The following SNX7 variants were observed in gnomAD, a reference collection of about 807,000 sequenced individuals.
SNX7 encodes the protein sorting nexin 7.
A neutral mutation model predicts 48.4 loss-of-function variants in SNX7; 35 were observed. That is an observed-to-expected ratio of 0.72 (90% CI 0.55 to 0.96). The LOEUF (loss-of-function observed/expected upper bound fraction) is 0.96. Ranked by LOEUF, SNX7 falls within the 40% of genes least tolerant of loss-of-function variation. The pLI, the probability that SNX7 is intolerant of heterozygous loss-of-function variation, is 0.00. For synonymous variants in SNX7, 190 were observed against 190.2 expected, an observed-to-expected ratio of 1.00 and a Z score of 0.01; for missense variants, 553 against 548.9, an observed-to-expected ratio of 1.01 and a Z score of -0.07.
At chr1:98,744,632 T>C (rs1654231291) in intron 8 of SNX7, among the ~76,000 whole-genome samples, 1 of 152,034 alleles carries the variant, frequency 6.6e-6, no homozygotes, top group Admixed American at 6.6e-5. Context: ...CAGAACTAAC[T>C]CATTTCTATT....
At chr1:98,737,914 A>G (rs1189966916) in intron 7 of SNX7, among the ~76,000 whole-genome samples, 3 of 152,172 alleles carry the variant, frequency 2.0e-5, no homozygotes, top group Non-Finnish European at 2.9e-5. Context: ...GAGTCTTAAT[A>G]CAAAAGACTT....
intron 2 of SNX7, 34 bp downstream of exon 2, chr1:98,685,101 C>G: frequency 7.5e-7 from 1 of 1,332,438 alleles, no homozygotes; most frequent in Non-Finnish European, 1.0e-6. Flanking sequence ...TTGAATATAG[C>G]TGCTTTTTTT....
intron 7 of SNX7, among the ~76,000 whole-genome samples, chr1:98,714,680 G>C (rs1557816073): frequency 6.6e-6 from 1 of 152,150 alleles, no homozygotes; most frequent in East Asian, 1.9e-4. Flanking sequence ...GAAGAAGGAG[G>C]AAAAGCCATG....
chr1:98,746,704 C>G (rs1237141934), intron 8 of SNX7, among the ~76,000 whole-genome samples: 1 of 152,062 alleles, frequency 6.6e-6, no homozygotes, highest in Non-Finnish European at 1.5e-5. Flanking sequence ...TCTGTTATAG[C>G]CAACTGCCTT....
At chr1:98,685,572 C>T (rs376863780) in intron 2 of SNX7, among the ~76,000 whole-genome samples, 1 of 152,060 alleles carries the variant, frequency 6.6e-6, no homozygotes, top group Non-Finnish European at 1.5e-5. Flanking sequence ...TCTCTTTAAT[C>T]GTAGGGCGAA....
At chr1:98,701,746 T>C in intron 6 of SNX7, 71 bp from the exon 7 acceptor site, 2 of 969,248 alleles carry the variant, frequency 2.1e-6, no homozygotes, top group Non-Finnish European at 3.1e-6. Context: ...TTCTGAAATA[T>C]ATATTTTTGC....
chr1:98,691,706 G>C lies in SNX7; in HGVS notation c.639+7G>C. On this transcript the variant is annotated splice_region_variant and intron_variant, in intron 4 of 8. Transcript: ENST00000306121. ...TCTCACTGCACAAGCTTGGGTAAATGATTTTTATTTATACTCATATAATCT... is the reference window on the plus strand; with the variant it reads ...TCTCACTGCACAAGCTTGGGTAAATCATTTTTATTTATACTCATATAATCT... 1 of 1,587,368 alleles carries C rather than the reference G, an allele frequency of 6.3e-7. No individual in the cohort carries two copies. The highest frequency in any genetic ancestry group is 1.8e-5 in the Admixed American group (1 of 55,604).
At chr1:98,701,243 T>C (rs777162349) in intron 6 of SNX7, among the ~76,000 whole-genome samples, 77 of 152,210 alleles carry the variant, frequency 5.1e-4, no homozygotes, top group African/African-American at 1.8e-3. Context: ...GAGGAGGCTA[T>C]GATCTCTCAT....
intron 7 of SNX7, among the ~76,000 whole-genome samples, chr1:98,727,405 A>C (rs562236259): frequency 4.4e-4 from 67 of 152,260 alleles, no homozygotes; most frequent in Admixed American, 1.6e-3. Flanking sequence ...AAACTCAGGA[A>C]GATGAGAAAG....
chr1:98,684,771 A>C, intron 1 of SNX7, 114 bp from the exon 2 acceptor site: 1 of 735,862 alleles, frequency 1.4e-6, no homozygotes, highest in Non-Finnish European at 2.0e-6. Flanking sequence ...CATTTAACTA[A>C]AAGTCCAATA....
intron 4 of SNX7, 132 bp from the exon 5 acceptor site, chr1:98,695,386 A>G: frequency 1.3e-6 from 1 of 777,394 alleles, no homozygotes. Context: ...GCTTCAAGCT[A>G]ACATTAAAAA....
intron 6 of SNX7, among the ~76,000 whole-genome samples, chr1:98,699,581 A>G (rs938403987): frequency 1.3e-5 from 2 of 152,172 alleles, no homozygotes; most frequent in Non-Finnish European, 2.9e-5. Flanking sequence ...TAGGGTGGTG[A>G]TGGGGACAGG....
At chr1:98,733,411 T>C (rs1162859271) in intron 7 of SNX7, among the ~76,000 whole-genome samples, 4 of 152,072 alleles carry the variant, frequency 2.6e-5, no homozygotes, top group Non-Finnish European at 4.4e-5. Context: ...TTTCTTAAAC[T>C]CCTTCAGCGC....
intron 1 of SNX7, among the ~76,000 whole-genome samples, chr1:98,680,671 A>G (rs899842634): frequency 2.0e-5 from 3 of 152,072 alleles, no homozygotes; most frequent in Non-Finnish European, 1.5e-5. Context: ...AGTTCCACAA[A>G]TCTCTAGGGC....
Position 98,760,453 on chromosome 1 carries a change from A to G in SNX7, c.*322A>G, listed in dbSNP as rs1438547942. 4 of 208,816 alleles carry G rather than the reference A, an allele frequency of 1.9e-5. No homozygotes were observed. Among genetic ancestry groups the G allele is most frequent in the Non-Finnish European group, 3.9e-5 (4 of 103,234 alleles). The allele number at this position is 208,816 out of a possible 1,614,324, so 12.9% of individuals were successfully genotyped here. ...TAAATATTTGACTGTGGAACATGCC[A>G]TTTTAAATATGTTGTAAGGACTGTT... is the stretch of plus-strand genomic sequence containing the variant. On this transcript the variant is annotated 3_prime_UTR_variant, in exon 9 of 9. Coordinates refer to ENST00000306121, the MANE Select transcript of SNX7 (RefSeq NM_015976.5).
At chr1:98,672,283 C>A (rs1265768237) in intron 1 of SNX7, among the ~76,000 whole-genome samples, 1 of 151,776 alleles carries the variant, frequency 6.6e-6, no homozygotes, top group Non-Finnish European at 1.5e-5. Context: ...GAAGCAGTAA[C>A]CCCTAACTGG....
chr1:98,738,416 C>A, intron 8 of SNX7, 27 bp downstream of exon 8: 2 of 1,602,688 alleles, frequency 1.2e-6, no homozygotes, highest in Non-Finnish European at 8.5e-7. Context: ...GATATTGCTT[C>A]ATTTTAAAGT....
At chr1:98,695,440 T>A in intron 4 of SNX7, 78 bp from the exon 5 acceptor site, 1 of 1,349,944 alleles carries the variant, frequency 7.4e-7, no homozygotes, top group Non-Finnish European at 1.0e-6. Context: ...TTTATTCTCC[T>A]AATTAGGTTT....
intron 7 of SNX7, among the ~76,000 whole-genome samples, chr1:98,703,425 G>T (rs1651852125): frequency 6.6e-6 from 1 of 152,048 alleles, no homozygotes; most frequent in Non-Finnish European, 1.5e-5. Context: ...TCTTGACTAT[G>T]TATATTAACT....
Sources: gnomAD v4.1 joint callset for allele counts (sites outside exome capture counted in the v4.1 genomes callset) on GRCh38, gnomAD v4.1.1 for gene constraint, MANE v1.5 for transcripts, NCBI Gene and HGNC (gene_info 2026-07-23, HGNC 2026-07-21) for gene names.